The following ADAMTS6 variants were observed in gnomAD, a reference collection of about 807,000 sequenced individuals.
ADAMTS6 encodes ADAM metallopeptidase with thrombospondin type 1 motif 6, also known as A disintegrin and metalloproteinase with thrombospondin motifs 6.
A neutral mutation model predicts 144.3 loss-of-function variants in ADAMTS6; 23 were observed. That is an observed-to-expected ratio of 0.16 (90% CI 0.11 to 0.23). The LOEUF (loss-of-function observed/expected upper bound fraction) is 0.23, where lower values mean the gene tolerates loss of function less well. Ranked by LOEUF, ADAMTS6 falls within the 10% of genes least tolerant of loss-of-function variation. The pLI is 1.00. For missense variants in ADAMTS6, 999 were observed against 1,379.6 expected (o/e 0.72, Z 4.37); for synonymous variants, 444 against 457.5 (o/e 0.97, Z 0.38).
chr5:65,225,079 A>T (rs1395262076), intron 16 of ADAMTS6, 32 bp from the exon 17 acceptor site: 1 of 1,596,240 alleles, frequency 6.3e-7, no homozygotes, highest in Non-Finnish European at 8.5e-7. Flanking sequence ...CAGTGTGTCA[A>T]GAGAGAAATT....
intron 16 of ADAMTS6, 127 bp from the exon 17 acceptor site, chr5:65,225,174 G>T: frequency 2.7e-6 from 3 of 1,099,664 alleles, no homozygotes; most frequent in Non-Finnish European, 3.8e-6. Context: ...GGTAATCCGT[G>T]AATAAAAACC....
chr5:65,288,600 G>A (rs543330004), intron 11 of ADAMTS6, among the ~76,000 whole-genome samples: 7 of 152,124 alleles, frequency 4.6e-5, no homozygotes, highest in Non-Finnish European at 7.4e-5. Flanking sequence ...TTACAGGCGT[G>A]AGCCACCACA....
chr5:65,317,629 G>A (rs1745139938), intron 9 of ADAMTS6, among the ~76,000 whole-genome samples: 1 of 152,250 alleles, frequency 6.6e-6, no homozygotes, highest in East Asian at 1.9e-4. Flanking sequence ...ACAACCCACA[G>A]AACGGGAGAA....
At chr5:65,197,295 G>T in intron 20 of ADAMTS6, 144 bp from the exon 21 acceptor site, 3 of 682,480 alleles carry the variant, frequency 4.4e-6, no homozygotes, top group Non-Finnish European at 6.4e-6. Flanking sequence ...CTCTAAAATG[G>T]AGAGAAGACC....
chr5:65,238,473 G>A (rs979081348), intron 15 of ADAMTS6, among the ~76,000 whole-genome samples: 1 of 151,540 alleles, frequency 6.6e-6, no homozygotes, highest in Admixed American at 6.6e-5. Flanking sequence ...GACAGTGTGC[G>A]CCTGTAGTCT....
intron 7 of ADAMTS6, among the ~76,000 whole-genome samples, chr5:65,410,190 T>C (rs1360913734): frequency 6.6e-6 from 1 of 152,168 alleles, no homozygotes; most frequent in Non-Finnish European, 1.5e-5. Context: ...ATGTCACAAA[T>C]GCTCAAGTAC....
chr5:65,169,527 C>T lies in ADAMTS6; in HGVS notation c.3244+1090G>A, dbSNP rs959937144. On this transcript the variant is annotated intron_variant, in intron 24 of 24. Transcript: ENST00000381055. ...GAAATACCATTTGACCCAGCCATCC[C>T]ATTACTGGGTATATACCCAAATGAC... is the stretch of plus-strand genomic sequence containing the variant. Among the ~76,000 whole-genome samples the T allele has an allele frequency of 1.6e-3, 224 of 136,314 alleles. 2 individuals carry two copies. The highest frequency in any genetic ancestry group is 6.5e-3 in the African/African-American group (219 of 33,800). The allele number at this position is 136,314 out of a possible 152,430, so 89.4% of individuals were successfully genotyped here.
intron 14 of ADAMTS6, among the ~76,000 whole-genome samples, chr5:65,256,965 C>CTT (rs1335681104): frequency 3.1e-5 from 4 of 129,270 alleles, no homozygotes; most frequent in African/African-American, 1.0e-4. Flanking sequence ...CACTTTTTCT[C>CTT]TCTCTCTCTC....
intron 14 of ADAMTS6, among the ~76,000 whole-genome samples, chr5:65,244,899 A>T (rs1218739510): frequency 6.6e-6 from 1 of 152,138 alleles, no homozygotes; most frequent in Non-Finnish European, 1.5e-5. Flanking sequence ...CATTAACCAG[A>T]TGCAACTTTC....
At position 65,149,243 on chromosome 5, in the gene ADAMTS6, T is replaced by C. The variant is rs1302480380; in HGVS notation, c.*2593A>G. 1.3e-5 allele frequency: 2 copies of C among 152,246 alleles called. No individual in the cohort carries two copies. Among genetic ancestry groups the C allele is most frequent in the Admixed American group, 6.5e-5 (1 of 15,278 alleles). 9.4% of individuals were successfully genotyped at this position (152,246 alleles called of 1,614,324 possible). A position where few individuals can be genotyped will look rare whatever the true frequency, so the allele number is the denominator to read the frequency against. On this transcript the variant is annotated 3_prime_UTR_variant, in exon 25 of 25. Coordinates refer to ENST00000381055, the MANE Select transcript of ADAMTS6 (RefSeq NM_197941.4). ...CTCACTACTTTTGGAAGGTCTGCCA[T>C]GGTGGCCCAGCCTCCACTGACAATG... is the stretch of plus-strand genomic sequence containing the variant.
Position 65,441,784 on chromosome 5 carries a change from G to T in ADAMTS6, c.1073+9691C>A, listed in dbSNP as rs188128288. ...TTAACAACAAAAGAATTTCTGCAGT[G>T]GGGGGGAATTTGGAACTAAATAACA... On this transcript the variant is annotated intron_variant, in intron 7 of 24. Coordinates refer to ENST00000381055, the MANE Select transcript of ADAMTS6 (RefSeq NM_197941.4). 2.8e-4 allele frequency among the ~76,000 whole-genome samples: 42 copies of T among 151,162 alleles called. No individual in the cohort carries two copies. In the Middle Eastern group the frequency reaches 0.01, roughly 37 times the overall value.
chr5:65,357,528 T>TA (rs1027204392), intron 7 of ADAMTS6, among the ~76,000 whole-genome samples: 9 of 150,586 alleles, frequency 6.0e-5, no homozygotes, highest in South Asian at 2.1e-4. Context: ...AAATAGAGAC[T>TA]AAAAAAACAA....
At chr5:65,239,470 TG>T in intron 15 of ADAMTS6, among the ~76,000 whole-genome samples, 1 of 152,164 alleles carries the variant, frequency 6.6e-6, no homozygotes, top group East Asian at 1.9e-4. Flanking sequence ...AGAAAACATA[TG>T]AAAATATTTT....
chr5:65,435,265 G>A (rs1482334107), intron 7 of ADAMTS6, among the ~76,000 whole-genome samples: 5 of 152,168 alleles, frequency 3.3e-5, no homozygotes, highest in Non-Finnish European at 2.9e-5. Flanking sequence ...CGTGGATAGG[G>A]AGGATACATA....
At chr5:65,324,746 A>G (rs1205972561) in intron 9 of ADAMTS6, among the ~76,000 whole-genome samples, 4 of 152,172 alleles carry the variant, frequency 2.6e-5, no homozygotes, top group Non-Finnish European at 5.9e-5. Flanking sequence ...CACTTCAAAG[A>G]AGATATATGA....
At chr5:65,222,071 C>T (rs1345670633) in intron 18 of ADAMTS6, among the ~76,000 whole-genome samples, 3 of 152,080 alleles carry the variant, frequency 2.0e-5, no homozygotes, top group African/African-American at 7.2e-5. Context: ...CCTATAGATT[C>T]CATATACTCT....
At chr5:65,198,436 A>T (rs552292181) in intron 20 of ADAMTS6, 1 of 167,012 alleles carries the variant, frequency 6.0e-6, no homozygotes, top group African/African-American at 2.4e-5. Flanking sequence ...ACTGTCACCT[A>T]AAGAGCTACA....
intron 14 of ADAMTS6, among the ~76,000 whole-genome samples, chr5:65,243,460 GGCA>G (rs1176897767): frequency 6.6e-6 from 1 of 151,992 alleles, no homozygotes; most frequent in African/African-American, 2.4e-5. Flanking sequence ...TGAAAATAGT[GGCA>G]GCAGGTTCAC....
intron 22 of ADAMTS6, among the ~76,000 whole-genome samples, chr5:65,173,625 TCTTA>T (rs1054802050): frequency 2.6e-5 from 4 of 152,190 alleles, no homozygotes; most frequent in Non-Finnish European, 5.9e-5. Flanking sequence ...ATGTCACAAA[TCTTA>T]TGTACCTCAT....
Sources: allele counts gnomAD v4.1 joint callset (sites outside exome capture counted in the v4.1 genomes callset), GRCh38; gene constraint gnomAD v4.1.1; transcripts MANE v1.5; gene names NCBI Gene and HGNC (gene_info 2026-07-23, HGNC 2026-07-21).